DNM3: variants seen among roughly 807,000 people sequenced by gnomAD.
The protein encoded by DNM3 is dynamin-3.
Under a neutral mutation model 101.6 loss-of-function variants are expected in DNM3, and 47 were observed. That is an observed-to-expected ratio of 0.46 (90% confidence interval 0.37 to 0.59). The LOEUF is 0.59. Ranked by LOEUF, DNM3 falls within the 20% of genes least tolerant of loss-of-function variation. The probability of loss-of-function intolerance (pLI) is 0.00; values close to 1 mark genes in which losing one functional copy is unlikely to be tolerated. For synonymous variants in DNM3, 385 were observed against 387.9 expected, an observed-to-expected ratio of 0.99 and a Z score of 0.09; for missense variants, 849 against 1,085.7, an observed-to-expected ratio of 0.78 and a Z score of 3.06.
chr1:171,901,958 TG>T (rs935304200), intron 1 of DNM3, among the ~76,000 whole-genome samples: 55 of 152,186 alleles, frequency 3.6e-4, no homozygotes, highest in African/African-American at 1.2e-3. Context: ...ACAGAAAACC[TG>T]GTTATAGATG....
At chr1:172,177,158 T>C (rs1405867502) in intron 14 of DNM3, among the ~76,000 whole-genome samples, 2 of 151,816 alleles carry the variant, frequency 1.3e-5, no homozygotes, top group Non-Finnish European at 2.9e-5. Flanking sequence ...TTTCAAAGTT[T>C]CTTTTGCAGT....
At chr1:172,106,646 C>T (rs2055039382) in intron 13 of DNM3, among the ~76,000 whole-genome samples, 1 of 151,886 alleles carries the variant, frequency 6.6e-6, no homozygotes, top group Admixed American at 6.6e-5. Flanking sequence ...TCCTCTGTAT[C>T]TGAGATTCTC....
chr1:172,152,226 A>G (rs1003104532), intron 14 of DNM3, among the ~76,000 whole-genome samples: 1 of 150,610 alleles, frequency 6.6e-6, no homozygotes, highest in Admixed American at 6.6e-5. Flanking sequence ...GCCTTCTGCT[A>G]GTGGTAAAGC....
intron 6 of DNM3, among the ~76,000 whole-genome samples, chr1:172,037,313 T>C (rs1023729580): frequency 1.3e-5 from 2 of 152,186 alleles, no homozygotes; most frequent in African/African-American, 4.8e-5. Flanking sequence ...GGACTATAAA[T>C]CATGCTGCTA....
At chr1:171,903,049 G>A (rs192638116) in intron 1 of DNM3, among the ~76,000 whole-genome samples, 502 of 152,172 alleles carry the variant, frequency 3.3e-3, no homozygotes, top group Admixed American at 5.3e-3. Flanking sequence ...CAGCTATTTG[G>A]GAGGATGGGG....
At chr1:171,869,187 C>G (rs1369849135) in intron 1 of DNM3, among the ~76,000 whole-genome samples, 1 of 151,960 alleles carries the variant, frequency 6.6e-6, no homozygotes, top group African/African-American at 2.4e-5. Context: ...TTGGAGAAAA[C>G]CATTTTGTGA....
At chr1:172,226,207 C>G (rs10797881) in intron 14 of DNM3, among the ~76,000 whole-genome samples, 1 of 152,040 alleles carries the variant, frequency 6.6e-6, no homozygotes, top group Non-Finnish European at 1.5e-5. Flanking sequence ...TTATTGTAAA[C>G]AAAACCTTTA....
At chr1:172,288,789 A>C (rs1362265589) in intron 15 of DNM3, among the ~76,000 whole-genome samples, 4 of 152,178 alleles carry the variant, frequency 2.6e-5, no homozygotes, top group African/African-American at 9.7e-5. Context: ...ATTTGGGAGC[A>C]CATCCAGATT....
intron 2 of DNM3, among the ~76,000 whole-genome samples, chr1:171,986,406 T>C (rs1239209557): frequency 6.6e-6 from 1 of 152,192 alleles, no homozygotes; most frequent in Non-Finnish European, 1.5e-5. Flanking sequence ...CAAATGATTC[T>C]GTATTGTTAT....
At chr1:172,403,205 C>T (rs1202923006) in intron 20 of DNM3, among the ~76,000 whole-genome samples, 1 of 152,146 alleles carries the variant, frequency 6.6e-6, no homozygotes. Flanking sequence ...CCCATTCTGG[C>T]TTAAAAATTT....
intron 15 of DNM3, among the ~76,000 whole-genome samples, chr1:172,291,052 A>C (rs897801830): frequency 3.3e-5 from 5 of 152,192 alleles, no homozygotes; most frequent in African/African-American, 1.2e-4. Context: ...TGTTTGGGCA[A>C]GATGTAGATC....
At chr1:172,042,494 T>C (rs1158513141) in intron 8 of DNM3, among the ~76,000 whole-genome samples, 2 of 152,124 alleles carry the variant, frequency 1.3e-5, no homozygotes, top group Non-Finnish European at 2.9e-5. Flanking sequence ...GACAGAAAAT[T>C]AACAAATAGA....
intron 4 of DNM3, among the ~76,000 whole-genome samples, chr1:172,019,249 C>T (rs1036389745): frequency 6.6e-6 from 1 of 151,258 alleles, no homozygotes; most frequent in Non-Finnish European, 1.5e-5. Context: ...ACCAGGATCT[C>T]CTTCACTTTT....
In DNM3 at chr1:172,253,811, A is replaced by G. The variant is rs2062285055; in HGVS notation, c.1769+129A>G. ...TTGTCTGCTCTTCAGTTTTCCTTTC[A>G]TTTATTTTGTATTTTTAAATTCCAC... is the stretch of plus-strand genomic sequence containing the variant. On this transcript the variant is annotated intron_variant, in intron 15 of 20. Coordinates refer to ENST00000627582, the MANE Select transcript of DNM3 (RefSeq NM_015569.5). The G allele has an allele frequency of 8.1e-6, 4 of 496,504 alleles. No individual in the cohort carries two copies. In the Admixed American group the frequency reaches 1.2e-4, roughly 15 times the overall value. The allele number at this position is 496,504 out of a possible 1,614,324, so 30.8% of individuals were successfully genotyped here.
chr1:171,850,097 C>T (rs181083904), intron 1 of DNM3, among the ~76,000 whole-genome samples: 49 of 152,174 alleles, frequency 3.2e-4, no homozygotes, highest in African/African-American at 9.9e-4. Flanking sequence ...GTCTAGTTGG[C>T]GAAGCAGGAC....
In DNM3 at chr1:172,379,246, T is replaced by C; in HGVS notation, c.2058+64T>C. 2.3e-6 allele frequency: 3 copies of C among 1,319,706 alleles called. No individual in the cohort carries two copies. In the East Asian group the frequency reaches 7.4e-5, roughly 33 times the overall value. The allele number at this position is 1,319,706 out of a possible 1,614,324, so 81.7% of individuals were successfully genotyped here. A position where few individuals can be genotyped will look rare whatever the true frequency, so the allele number is the denominator to read the frequency against. Reference sequence around the variant, plus strand: ...CATCCGAGTGTGGAAGTTGCACATATTATCTTCAGCTTCTTTGTGTATTTT... The same window carrying C: ...CATCCGAGTGTGGAAGTTGCACATACTATCTTCAGCTTCTTTGTGTATTTT... On this transcript the variant is annotated intron_variant, in intron 18 of 20. Coordinates refer to ENST00000627582, the MANE Select transcript of DNM3 (RefSeq NM_015569.5).
chr1:171,875,560 A>G (rs941824462), intron 1 of DNM3, among the ~76,000 whole-genome samples: 1 of 152,330 alleles, frequency 6.6e-6, no homozygotes, highest in Admixed American at 6.5e-5. Flanking sequence ...ATAGCATTTG[A>G]GAGCATTGGA....
chr1:172,389,328 A>G (rs2069387295), intron 20 of DNM3: 1 of 157,694 alleles, frequency 6.3e-6, no homozygotes, highest in South Asian at 1.9e-4. Context: ...TGTTTTTTTA[A>G]AAACTACACA....
intron 14 of DNM3, among the ~76,000 whole-genome samples, chr1:172,216,708 T>C (rs1442584068): frequency 1.3e-5 from 2 of 151,880 alleles, no homozygotes; most frequent in Non-Finnish European, 2.9e-5. Context: ...TTCTTTAGGA[T>C]AAACATAGAA....
Sources: gnomAD v4.1 joint callset for allele counts (sites outside exome capture counted in the v4.1 genomes callset) on GRCh38, gnomAD v4.1.1 for gene constraint, MANE v1.5 for transcripts, NCBI Gene and HGNC (gene_info 2026-07-23, HGNC 2026-07-21) for gene names.